Variants in OAT observed in about 807,000 individuals in gnomAD.
OAT encodes the protein ornithine aminotransferase.
A neutral mutation model predicts 48.4 loss-of-function variants in OAT; 35 were observed. The observed-to-expected ratio is 0.72, with a 90% CI of 0.55 to 0.96. OAT has a LOEUF of 0.96. Ranked by LOEUF, OAT falls within the 40% of genes least tolerant of loss-of-function variation. The probability of loss-of-function intolerance (pLI) is 0.00; values close to 1 mark genes in which losing one functional copy is unlikely to be tolerated. For missense variants in OAT, 438 were observed against 537.9 expected, an observed-to-expected ratio of 0.81 and a Z score of 1.84; for synonymous variants, 182 against 198.4, an observed-to-expected ratio of 0.92 and a Z score of 0.70.
At chr10:124,415,501 T>C (rs951030412) in intron 1 of OAT, among the ~76,000 whole-genome samples, 1 of 152,202 alleles carries the variant, frequency 6.6e-6, no homozygotes, top group Non-Finnish European at 1.5e-5. Context: ...GGATGAGCCA[T>C]GATGTATCAA....
rs17619406 is a variant in OAT at position 124,401,861 on chromosome 10, A to G, written c.901-22T>C. 306,001 of 1,546,538 alleles carry G rather than the reference A, an allele frequency of 0.2. 33,573 individuals are homozygous for G. Among genetic ancestry groups the G allele is most frequent in the Non-Finnish European group, 0.23 (252,664 of 1,120,640 alleles). On this transcript the variant is annotated intron_variant, in intron 7 of 9. Coordinates refer to ENST00000368845, the MANE Select transcript of OAT (RefSeq NM_000274.4). ...ACACCTGAAAGACAGTCAATTCACC[A>G]TGTCATTTCTCAGCACTAAGCATTC...
At chr10:124,417,778 G>C (rs996070543) in intron 1 of OAT, among the ~76,000 whole-genome samples, 1 of 152,198 alleles carries the variant, frequency 6.6e-6, no homozygotes, top group Admixed American at 6.5e-5. Flanking sequence ...ATCCCAGAAG[G>C]AGAAATTTAG....
At chr10:124,408,337 ATATATAT>A (rs1451632766) in intron 4 of OAT, among the ~76,000 whole-genome samples, 198 bp downstream of exon 4, 155 of 103,474 alleles carry the variant, frequency 1.5e-3, no homozygotes, top group African/African-American at 4.9e-3. Context: ...ATATATATAT[ATATATAT>A]TTTTTTTTTT....
intron 1 of OAT, among the ~76,000 whole-genome samples, chr10:124,413,051 C>T (rs764432118): frequency 1.3e-5 from 2 of 152,096 alleles, no homozygotes; most frequent in African/African-American, 4.8e-5. Context: ...CCGCCCACCA[C>T]GGCCTCCCAA....
chr10:124,415,718 T>C (rs1179554138), intron 1 of OAT, among the ~76,000 whole-genome samples: 2 of 152,196 alleles, frequency 1.3e-5, no homozygotes, highest in Admixed American at 1.3e-4. Flanking sequence ...TGTCTGTGGT[T>C]CTGAAGAGTA....
intron 4 of OAT, among the ~76,000 whole-genome samples, 199 bp downstream of exon 4, chr10:124,408,343 A>ATATATAT (rs1434453635): frequency 1.2e-5 from 1 of 83,828 alleles, no homozygotes; most frequent in African/African-American, 4.1e-5. Flanking sequence ...ATATATATAT[A>ATATATAT]TTTTTTTTTT....
At chr10:124,408,314 T>TGG in intron 4 of OAT, among the ~76,000 whole-genome samples, 1 of 54,630 alleles carries the variant, frequency 1.8e-5, no homozygotes, top group Non-Finnish European at 3.2e-5. Flanking sequence ...TGTGTGTGTG[T>TGG]GTGTATATAT....
At chr10:124,412,248 T>C in intron 1 of OAT, 48 bp from the exon 2 acceptor site, 1 of 1,422,174 alleles carries the variant, frequency 7.0e-7, no homozygotes, top group Non-Finnish European at 9.8e-7. Context: ...CCTTGGCTTA[T>C]GCCTATAATC....
At position 124,403,805 on chromosome 10, in the gene OAT, C is replaced by T. The variant is rs202147311; in HGVS notation, c.764G>A (p.Arg255Lys). ...AACAGCTAACGTGACAACCTGGTGC[C>T]TGGTGCAGAGCTCTCGCACTCCCAT... ...YLMGVRELCT[R>K]HQVLFIADEI... The change falls in exon 6 of 10, where the codon AGG becomes AAG. Residue 255 changes from arginine to lysine, a missense_variant. Arg to Lys is a conservative substitution (Grantham distance 26). Transcript: ENST00000368845. 1.9e-6 allele frequency: 3 copies of T among 1,614,176 alleles called. No homozygotes were observed. Among genetic ancestry groups the T allele is most frequent in the East Asian group, 4.5e-5 (2 of 44,886 alleles).
intron 1 of OAT, among the ~76,000 whole-genome samples, chr10:124,417,258 AAAACTGT>A (rs999851224): frequency 1.7e-4 from 26 of 151,616 alleles, no homozygotes; most frequent in Non-Finnish European, 3.2e-4. Flanking sequence ...AACACCATGA[AAAACTGT>A]AAACCCAAAA....
chr10:124,402,900 T>G (rs900427711), intron 7 of OAT, 27 bp downstream of exon 7: 1 of 1,612,470 alleles, frequency 6.2e-7, no homozygotes, highest in Non-Finnish European at 8.5e-7. Flanking sequence ...GAGTAGGAAA[T>G]GGAAAGAGGG....
At position 124,415,384 on chromosome 10, in the gene OAT, G is replaced by A. The variant is rs200904507; in HGVS notation, c.-29-3184C>T. On this transcript the variant is annotated intron_variant, in intron 1 of 9. Transcript: ENST00000368845. ...GGGCTCAAGGGATCCTTCTGCCTCA[G>A]CCTCAGGAAGAGGTGGGACTACAGG... Among the ~76,000 whole-genome samples the A allele has an allele frequency of 2.8e-4, 43 of 152,244 alleles. 3 individuals carry two copies. The East Asian group carries it at 8.3e-3, about 29-fold the overall frequency.
chr10:124,403,847 G>A lies in OAT; in HGVS notation c.722C>T (p.Pro241Leu), dbSNP rs121965051. 31 of 1,613,980 alleles carry A rather than the reference G, an allele frequency of 1.9e-5. No homozygotes were observed. The highest frequency in any genetic ancestry group is 1.5e-4 in the South Asian group (14 of 91,072). ...PIQGEAGVVVPDPGYLMGVRE... is the reference protein window; with the variant it reads ...PIQGEAGVVVLDPGYLMGVRE... ...CACTCCCATTAGGTAACCTGGATCC[G>A]GAACAACAACGCCTGCTTCACCCTG... The change falls in exon 6 of 10, where the codon CCG (proline) becomes CTG (leucine). Residue 241 changes from proline to leucine, a missense_variant. By Grantham distance (98) the Pro-to-Leu change is moderately conservative (BLOSUM62 -3). Transcript: ENST00000368845.
intron 1 of OAT, among the ~76,000 whole-genome samples, chr10:124,413,304 A>G (rs1268191334): frequency 7.1e-6 from 1 of 140,386 alleles, no homozygotes; most frequent in East Asian, 2.0e-4. Flanking sequence ...ACACACACAC[A>G]CACACATATA....
chr10:124,418,016 C>T (rs998167155), intron 1 of OAT: 2 of 152,266 alleles, frequency 1.3e-5, no homozygotes, highest in African/African-American at 2.4e-5. Context: ...TGACCCCTCC[C>T]GTCCCGCCCG....
intron 1 of OAT, 97 bp from the exon 2 acceptor site, chr10:124,412,297 G>C (rs1396465303): frequency 1.1e-6 from 1 of 927,288 alleles, no homozygotes; most frequent in Non-Finnish European, 1.7e-6. Flanking sequence ...GATCACGTGA[G>C]CCCAGGAGTT....
intron 1 of OAT, among the ~76,000 whole-genome samples, chr10:124,417,309 G>C (rs1327560593): frequency 1.2e-5 from 1 of 81,202 alleles, no homozygotes; most frequent in Non-Finnish European, 2.2e-5. Flanking sequence ...TTTTTTTTTC[G>C]AGACGGAGTC....
intron 7 of OAT, 96 bp downstream of exon 7, chr10:124,402,831 T>C: frequency 6.6e-7 from 1 of 1,522,318 alleles, no homozygotes; most frequent in Non-Finnish European, 9.1e-7. Context: ...TCAAACAATC[T>C]GAAAGCATTG....
chr10:124,416,951 C>A (rs1951937590), intron 1 of OAT, among the ~76,000 whole-genome samples: 1 of 151,700 alleles, frequency 6.6e-6, no homozygotes, highest in South Asian at 2.1e-4. Flanking sequence ...CCAAGTGCAT[C>A]ATTGGCAAAC....
Sources: gnomAD v4.1 joint callset for allele counts (sites outside exome capture counted in the v4.1 genomes callset) on GRCh38, gnomAD v4.1.1 for gene constraint, MANE v1.5 for transcripts, NCBI Gene and HGNC (gene_info 2026-07-23, HGNC 2026-07-21) for gene names.